Variants in EMX1 observed in about 807,000 individuals in gnomAD.
EMX1 encodes the protein empty spiracles homeobox 1.
EMX1 carries 10 observed loss-of-function variants against 20.1 expected under a neutral mutation model. That is an observed-to-expected ratio of 0.50 (90% CI 0.31 to 0.84). The LOEUF (loss-of-function observed/expected upper bound fraction) is 0.84. EMX1 is among the 40% of genes least tolerant of loss of function. EMX1 has a pLI of 0.05. For synonymous variants in EMX1, 250 were observed against 200.4 expected (o/e 1.25, Z -2.09); for missense variants, 424 against 431.9 (o/e 0.98, Z 0.16).
chr2:72,922,027 T>G (rs2105264155), intron 1 of EMX1, among the ~76,000 whole-genome samples: 1 of 152,330 alleles, frequency 6.6e-6, no homozygotes, highest in East Asian at 1.9e-4. Flanking sequence ...AGCCCCACAC[T>G]GCCCTTCACA....
At chr2:72,933,652 C>G in intron 2 of EMX1, 135 bp from the exon 3 acceptor site, 1 of 1,182,794 alleles carries the variant, frequency 8.5e-7, no homozygotes. Flanking sequence ...GAGGGGACCC[C>G]GGCCTGGGGC....
Position 72,924,329 on chromosome 2 carries a change from G to A in EMX1, c.541G>A (p.Gly181Arg), listed in dbSNP as rs1671156268. Residue 181 changes from glycine (G) to arginine (R), a missense_variant, in exon 2 of 3, where the codon GGG becomes AGG. Physicochemically the swap from Gly to Arg is moderately radical, Grantham distance 125. Around this residue, in one of 2 missense-constraint regions of EMX1, gnomAD observed 333 missense variants for 296.6 expected, o/e 1.12. Coordinates refer to ENST00000258106, the MANE Select transcript of EMX1 (RefSeq NM_004097.3). ...CGCAGCCAGCGACGTGCCCCAGGAC[G>A]GGCTGCTTCTGCACGGCCCCTTCGC... ...RFQASDVPQD[G>R]LLLHGPFARK... The A allele has an allele frequency of 6.4e-7, 1 of 1,573,826 alleles. No homozygotes were observed. Among genetic ancestry groups the A allele is most frequent in the East Asian group, 2.3e-5 (1 of 43,670 alleles).
At position 72,930,525 on chromosome 2, in the gene EMX1, A is replaced by AG. The variant is rs1671264526; in HGVS notation, c.706-3261dup. On this transcript the variant is annotated intron_variant, in intron 2 of 2. Coordinates refer to ENST00000258106, the MANE Select transcript of EMX1 (RefSeq NM_004097.3). This position sits in a 1 kb window ranked among gnomAD's most constrained non-coding sequence, Gnocchi z 4.4. ...ACCACAAGGGACCTCTTGCTACAGC[A>AG]GAGAGGTCAGAGTGGGCAAGGGGTC... Among the ~76,000 whole-genome samples the AG allele has an allele frequency of 6.6e-6, 1 of 152,246 alleles. No individual in the cohort carries two copies. Among genetic ancestry groups the AG allele is most frequent in the African/African-American group, 2.4e-5 (1 of 41,468 alleles).
chr2:72,918,131 G>A lies in EMX1; in HGVS notation c.279G>A (p.Ala93=). ...LNYPHPSAAE[A]AFVSGFPAAA... ...ACCCTCACCCCAGCGCGGCCGAGGCGGCCTTCGTGAGTGGCTTCCCTGCCG... is the reference window on the plus strand; with the variant it reads ...ACCCTCACCCCAGCGCGGCCGAGGCAGCCTTCGTGAGTGGCTTCCCTGCCG... The change falls in exon 1 of 3, where the codon GCG becomes GCA. Residue 93 remains alanine (A), a synonymous_variant. Coordinates refer to ENST00000258106, the MANE Select transcript of EMX1 (RefSeq NM_004097.3). 1.3e-6 allele frequency: 2 copies of A among 1,489,630 alleles called. No homozygotes were observed. The highest frequency in any genetic ancestry group is 1.5e-5 in the African/African-American group (1 of 68,390). The allele number at this position is 1,489,630 out of a possible 1,614,324, so 92.3% of individuals were successfully genotyped here.
chr2:72,920,191 C>T (rs1453478573), intron 1 of EMX1, among the ~76,000 whole-genome samples: 2 of 152,188 alleles, frequency 1.3e-5, no homozygotes, highest in East Asian at 1.9e-4. Flanking sequence ...GCCGGGGGCG[C>T]CTGGAGAGAA....
At chr2:72,929,093 G>A (rs1671245824) in intron 2 of EMX1, among the ~76,000 whole-genome samples, 1 of 152,136 alleles carries the variant, frequency 6.6e-6, no homozygotes, top group African/African-American at 2.4e-5. Context: ...GGATAAGAGG[G>A]GGATATCCAA....
intron 2 of EMX1, among the ~76,000 whole-genome samples, chr2:72,928,559 T>C (rs919500730): frequency 6.6e-6 from 1 of 152,188 alleles, no homozygotes; most frequent in African/African-American, 2.4e-5. Flanking sequence ...ACCTGGTTGC[T>C]CCAGGCTGAT....
intron 1 of EMX1, among the ~76,000 whole-genome samples, chr2:72,918,617 G>A (rs1334682412): frequency 6.6e-6 from 1 of 152,224 alleles, no homozygotes; most frequent in Non-Finnish European, 1.5e-5. Context: ...TACCAGTTCG[G>A]ACGCAAGCCC....
At chr2:72,925,151 A>G (rs1671175251) in intron 2 of EMX1, among the ~76,000 whole-genome samples, 1 of 152,146 alleles carries the variant, frequency 6.6e-6, no homozygotes, top group African/African-American at 2.4e-5. Context: ...AGAGCATCTG[A>G]GTGGCCTGGG....
intron 2 of EMX1, chr2:72,925,684 G>A: frequency 8.5e-7 from 1 of 1,172,994 alleles, no homozygotes; most frequent in Non-Finnish European, 1.1e-6. Context: ...GGCAGCCGGA[G>A]CCTCCCTTTA....
Position 72,917,767 on chromosome 2 carries a change from C to A in EMX1, c.-86C>A. On this transcript the variant is annotated 5_prime_UTR_variant, in exon 1 of 3. Transcript: ENST00000258106. ...GACCCCGCGGTCGCTCGCTCACACA[C>A]CCCTCGCCGCTCCGCGCCTGGCTCG... 2 of 1,202,820 alleles carry A rather than the reference C, an allele frequency of 1.7e-6. No individual in the cohort carries two copies. Among genetic ancestry groups the A allele is most frequent in the Non-Finnish European group, 2.1e-6 (2 of 959,758 alleles). 74.5% of individuals were successfully genotyped at this position (1,202,820 alleles called of 1,614,324 possible).
chr2:72,917,147 C>T, upstream of EMX1: 17 of 613,128 alleles, frequency 2.8e-5, no homozygotes, highest in South Asian at 3.4e-4. Flanking sequence ...AACATCCACC[C>T]TCCGCTCGGA....
At position 72,933,981 on chromosome 2, in the gene EMX1, C is replaced by A. The variant is rs754802652; in HGVS notation, c.*27C>A. 6.2e-7 allele frequency: 1 copy of A among 1,613,648 alleles called. No homozygotes were observed. Among genetic ancestry groups the A allele is most frequent in the South Asian group, 1.1e-5 (1 of 91,012 alleles). ...GTGGGCAACCACAAACCCACGAGGG[C>A]AGAGTGCTGCTTGCTGCTGGCCAGG... On this transcript the variant is annotated 3_prime_UTR_variant, in exon 3 of 3. Transcript: ENST00000258106.
At chr2:72,917,336 G>C (rs1670982050), upstream of EMX1, 1 of 408,826 alleles carries the variant, frequency 2.4e-6, no homozygotes, top group Admixed American at 4.1e-5. Flanking sequence ...GCGGAGTCGC[G>C]AGGAGAAGCC....
intron 1 of EMX1, among the ~76,000 whole-genome samples, chr2:72,920,127 G>A (rs989220820): frequency 6.6e-6 from 1 of 152,208 alleles, no homozygotes; most frequent in Non-Finnish European, 1.5e-5. Flanking sequence ...CCTCGGCTTC[G>A]AATCCAGCCC....
At chr2:72,923,239 T>A (rs1332009157) in intron 1 of EMX1, among the ~76,000 whole-genome samples, 3 of 152,056 alleles carry the variant, frequency 2.0e-5, no homozygotes, top group Non-Finnish European at 4.4e-5. Flanking sequence ...CAACATTTGC[T>A]AAGGGACAGT....
intron 1 of EMX1, among the ~76,000 whole-genome samples, chr2:72,918,703 A>C (rs541897354): frequency 5.4e-4 from 82 of 152,294 alleles, no homozygotes; most frequent in African/African-American, 1.8e-3. Context: ...CCAGTCTCAG[A>C]CCAGAGTACA....
chr2:72,920,878 G>A (rs1021054496), intron 1 of EMX1, among the ~76,000 whole-genome samples: 6 of 152,212 alleles, frequency 3.9e-5, no homozygotes, highest in African/African-American at 9.6e-5. Flanking sequence ...CCGGGTCTAG[G>A]AGCAACGCCT....
chr2:72,917,671 C>A lies in EMX1; in HGVS notation c.-182C>A. The stretch of plus-strand genomic sequence containing the variant: ...AGCTCGCAGCCTAGCACGGAGCCCG[C>A]GCCTGTGCGGGCGCCTGGAGCTGCC... On this transcript the variant is annotated 5_prime_UTR_variant, in exon 1 of 3. Transcript: ENST00000258106. The A allele has an allele frequency of 2.8e-6, 1 of 358,844 alleles. No homozygotes were observed. The highest frequency in any genetic ancestry group is 4.4e-6 in the Non-Finnish European group (1 of 226,980). 22.2% of individuals were successfully genotyped at this position (358,844 alleles called of 1,614,324 possible). A position where few individuals can be genotyped will look rare whatever the true frequency, so the allele number is the denominator to read the frequency against.
Sources: allele counts gnomAD v4.1 joint callset (sites outside exome capture counted in the v4.1 genomes callset), GRCh38; gene constraint gnomAD v4.1.1; regional missense constraint gnomAD v4.1.1; non-coding constraint Gnocchi (gnomAD v3.1); transcripts MANE v1.5; gene names NCBI Gene and HGNC (gene_info 2026-07-23, HGNC 2026-07-21).